Variants in LINGO2 observed in about 807,000 individuals in gnomAD.
The protein encoded by LINGO2 is leucine rich repeat and Ig domain containing 2.
LINGO2 carries 14 observed loss-of-function variants against 30.6 expected under a neutral mutation model. That is an observed-to-expected ratio of 0.46 (90% CI 0.30 to 0.72). The LOEUF (loss-of-function observed/expected upper bound fraction) is 0.72. LINGO2 is among the 30% of genes least tolerant of loss of function. LINGO2 has a pLI of 0.07. For synonymous variants in LINGO2, 317 were observed against 288.5 expected, an observed-to-expected ratio of 1.10 and a Z score of -1.00; for missense variants, 729 against 751.7, an observed-to-expected ratio of 0.97 and a Z score of 0.35.
intron 5 of LINGO2, among the ~76,000 whole-genome samples, chr9:27,960,343 A>G (rs939200849): frequency 1.3e-5 from 2 of 152,220 alleles, no homozygotes; most frequent in African/African-American, 4.8e-5. Context: ...TTGAAGCCAA[A>G]TATTTCCTGG....
At chr9:28,878,384 T>C in the LINGO2 span, among the ~76,000 whole-genome samples, 1 of 152,116 alleles carries the variant, frequency 6.6e-6, no homozygotes, top group Non-Finnish European at 1.5e-5. Context: ...ACTAGATGGA[T>C]TCACAGCCGA....
At chr9:28,372,603 G>A (rs1820947019) in intron 3 of LINGO2, among the ~76,000 whole-genome samples, 1 of 57,314 alleles carries the variant, frequency 1.7e-5, no homozygotes, top group Admixed American at 2.4e-4. Flanking sequence ...GCACAGCATG[G>A]TAAATCTAAC....
intron 1 of LINGO2, among the ~76,000 whole-genome samples, chr9:28,490,976 G>T (rs1716342571): frequency 6.6e-6 from 1 of 152,100 alleles, no homozygotes; most frequent in Non-Finnish European, 1.5e-5. Flanking sequence ...CAAAACCAAA[G>T]AGAAAACAAT....
chr9:29,039,877 G>T, the LINGO2 span, among the ~76,000 whole-genome samples: 1 of 152,070 alleles, frequency 6.6e-6, no homozygotes, highest in Non-Finnish European at 1.5e-5. Context: ...AAAATGCATA[G>T]TAATTATTGG....
At chr9:28,593,399 G>A (rs575834977) in intron 1 of LINGO2, among the ~76,000 whole-genome samples, 6 of 151,974 alleles carry the variant, frequency 3.9e-5, no homozygotes, top group East Asian at 3.9e-4. Flanking sequence ...AATTTTTGAC[G>A]TTCTTTCCCA....
the LINGO2 span, among the ~76,000 whole-genome samples, chr9:29,073,971 C>G: frequency 6.6e-6 from 1 of 152,106 alleles, no homozygotes; most frequent in Non-Finnish European, 1.5e-5. Flanking sequence ...CAGAAAAATA[C>G]TCAGAGTTAA....
At chr9:28,526,154 CAATAATACA>C (rs1366552269) in intron 1 of LINGO2, among the ~76,000 whole-genome samples, 1 of 148,182 alleles carries the variant, frequency 6.7e-6, no homozygotes, top group East Asian at 2.0e-4. Context: ...ATAACAAAAT[CAATAATACA>C]AAAACGGAAT....
At chr9:28,290,546 G>A (rs1158331011) in intron 4 of LINGO2, among the ~76,000 whole-genome samples, 2 of 152,136 alleles carry the variant, frequency 1.3e-5, no homozygotes, top group Non-Finnish European at 2.9e-5. Flanking sequence ...GGCTTTAATT[G>A]GGTGCTACAG....
chr9:29,174,493 T>A, the LINGO2 span, among the ~76,000 whole-genome samples: 1 of 152,172 alleles, frequency 6.6e-6, no homozygotes, highest in Non-Finnish European at 1.5e-5. Flanking sequence ...GTCCTAGGAC[T>A]AGACAGATTT....
intron 1 of LINGO2, among the ~76,000 whole-genome samples, chr9:28,659,587 A>AT (rs1205138561): frequency 6.6e-6 from 1 of 151,964 alleles, no homozygotes; most frequent in Non-Finnish European, 1.5e-5. Flanking sequence ...AACTGGGACT[A>AT]TAGGTGCATG....
At chr9:28,540,241 G>C (rs117166981) in intron 1 of LINGO2, among the ~76,000 whole-genome samples, 1 of 148,748 alleles carries the variant, frequency 6.7e-6, no homozygotes, top group Non-Finnish European at 1.5e-5. Flanking sequence ...TTTGAGACAG[G>C]CTCTCTCTCT....
At chr9:28,809,542 G>A in the LINGO2 span, among the ~76,000 whole-genome samples, 21 of 152,134 alleles carry the variant, frequency 1.4e-4, no homozygotes, top group East Asian at 2.5e-3. Context: ...ACAGGAGTTC[G>A]GGACCAGCCT....
chr9:29,129,237 T>C, the LINGO2 span, among the ~76,000 whole-genome samples: 3 of 152,132 alleles, frequency 2.0e-5, no homozygotes, highest in South Asian at 6.2e-4. Context: ...TGATGGTCAC[T>C]GGCTATTTAA....
intron 4 of LINGO2, among the ~76,000 whole-genome samples, chr9:28,174,566 C>G (rs1417870174): frequency 6.6e-6 from 1 of 152,136 alleles, no homozygotes; most frequent in Non-Finnish European, 1.5e-5. Flanking sequence ...CTTGCCTAAC[C>G]ATCACATTTC....
chr9:29,013,712 T>C, the LINGO2 span, among the ~76,000 whole-genome samples: 1 of 152,180 alleles, frequency 6.6e-6, no homozygotes, highest in Non-Finnish European at 1.5e-5. Flanking sequence ...CTTATTGATG[T>C]TGCAGAATAT....
intron 1 of LINGO2, among the ~76,000 whole-genome samples, chr9:28,484,016 AAGCTTTATCTAC>A (rs1826072425): frequency 6.6e-6 from 1 of 152,076 alleles, no homozygotes; most frequent in Non-Finnish European, 1.5e-5. Flanking sequence ...ATACCAGGCT[AAGCTTTATCTAC>A]AGCCTGGGCA....
chr9:28,262,092 A>G (rs1215785166), intron 4 of LINGO2, among the ~76,000 whole-genome samples: 2 of 151,950 alleles, frequency 1.3e-5, no homozygotes, highest in African/African-American at 4.8e-5. Context: ...TCTATGTAAA[A>G]TCTTCCTTTT....
the LINGO2 span, among the ~76,000 whole-genome samples, chr9:29,188,972 C>G: frequency 6.8e-6 from 1 of 146,110 alleles, no homozygotes; most frequent in South Asian, 2.2e-4. Context: ...GACCCCCCCA[C>G]CTCCCTGCCG....
chr9:28,006,860 A>G (rs1822291405), intron 5 of LINGO2, among the ~76,000 whole-genome samples: 1 of 152,118 alleles, frequency 6.6e-6, no homozygotes, highest in Non-Finnish European at 1.5e-5. Flanking sequence ...AATACCTAAC[A>G]AATGTTTATG....
Sources: allele counts gnomAD v4.1 joint callset (sites outside exome capture counted in the v4.1 genomes callset), GRCh38; gene constraint gnomAD v4.1.1; transcripts MANE v1.5; gene names NCBI Gene and HGNC (gene_info 2026-07-23, HGNC 2026-07-21).